ARID5B: variants seen among roughly 807,000 people sequenced by gnomAD.
ARID5B encodes AT-rich interactive domain-containing protein 5B.
Under a neutral mutation model 97.2 loss-of-function variants are expected in ARID5B, and 13 were observed. That is an observed-to-expected ratio of 0.13 (90% CI 0.09 to 0.21). The LOEUF is 0.21. ARID5B is among the 10% of genes least tolerant of loss of function. The probability of loss-of-function intolerance (pLI) is 1.00; values close to 1 mark genes in which losing one functional copy is unlikely to be tolerated. For synonymous variants in ARID5B, 556 were observed against 570.3 expected, an observed-to-expected ratio of 0.97 and a Z score of 0.36; for missense variants, 1,210 against 1,465.3, an observed-to-expected ratio of 0.83 and a Z score of 2.84.
At chr10:62,019,949 C>G (rs915967311) in intron 4 of ARID5B, among the ~76,000 whole-genome samples, 2 of 152,140 alleles carry the variant, frequency 1.3e-5, no homozygotes, top group Non-Finnish European at 2.9e-5. Flanking sequence ...TACAGATTTC[C>G]TAGGCAGTGA....
rs531468397 is a variant in ARID5B at position 62,012,286 on chromosome 10, C to T, written c.733+11965C>T. On this transcript the variant is annotated intron_variant, in intron 4 of 9. Transcript: ENST00000279873. The stretch of plus-strand genomic sequence containing the variant: ...AAGTAACCTCAGCACTTTGAGAGGC[C>T]GAAGTGGGCAGATCCCTTGATCCCA... 7.2e-4 allele frequency among the ~76,000 whole-genome samples: 110 copies of T among 152,160 alleles called. 2 individuals carry two copies. The highest frequency in any genetic ancestry group is 3.6e-3 in the Admixed American group (55 of 15,282).
Position 62,057,129 on chromosome 10 carries a change from G to C in ARID5B, c.859G>C (p.Ala287Pro). The C allele has an allele frequency of 6.2e-7, 1 of 1,613,532 alleles. No individual in the cohort carries two copies. Among genetic ancestry groups the C allele is most frequent in the Non-Finnish European group, 8.5e-7 (1 of 1,179,696 alleles). The change falls in exon 6 of 10, where the codon GCC becomes CCC. Residue 287 changes from alanine to proline, a missense_variant. Around this residue, in one of 8 missense-constraint regions of ARID5B, gnomAD observed 132 missense variants for 156.7 expected, o/e 0.84. Coordinates refer to ENST00000279873, the MANE Select transcript of ARID5B (RefSeq NM_032199.3). ...GKAVAKVKCE[A>P]RSALTKPKNN... is the part of the protein sequence containing the mutation. The stretch of plus-strand genomic sequence containing the variant: ...TTCCCTTTTCCAGGTGAAATGTGAG[G>C]CCAGGTCAGCCTTGACCAAGCCGAA...
intron 7 of ARID5B, among the ~76,000 whole-genome samples, chr10:62,060,671 G>A (rs542332716): frequency 2.1e-4 from 32 of 152,108 alleles, no homozygotes; most frequent in Non-Finnish European, 3.5e-4. Context: ...ACTTATTCAG[G>A]GTTAGTCTCA....
rs571585520 is a variant in ARID5B, at chr10:62,057,103, T to C, written c.847-14T>C. On this transcript the variant is annotated splice_polypyrimidine_tract_variant and intron_variant, in intron 5 of 9. Transcript: ENST00000279873. Reference sequence around the variant, plus strand: ...CTGTGCCTCGTCTGATGTGGTATATTTTCCCTTTTCCAGGTGAAATGTGAG... The same window carrying C: ...CTGTGCCTCGTCTGATGTGGTATATCTTCCCTTTTCCAGGTGAAATGTGAG... 6.2e-7 allele frequency: 1 copy of C among 1,613,088 alleles called. No homozygotes were observed. Among genetic ancestry groups the C allele is most frequent in the African/African-American group, 1.3e-5 (1 of 74,972 alleles).
At chr10:61,904,445 T>C (rs1320899412) in intron 2 of ARID5B, among the ~76,000 whole-genome samples, 1 of 152,216 alleles carries the variant, frequency 6.6e-6, no homozygotes, top group African/African-American at 2.4e-5. Context: ...TGAATAGATA[T>C]ATTTTTAAAT....
intron 3 of ARID5B, among the ~76,000 whole-genome samples, chr10:61,966,301 G>A (rs1450543099): frequency 2.0e-5 from 3 of 152,096 alleles, no homozygotes; most frequent in African/African-American, 7.2e-5. Flanking sequence ...GAGGCAGGGA[G>A]CACGTTTTAA....
intron 6 of ARID5B, among the ~76,000 whole-genome samples, chr10:62,058,591 A>T (rs1839885325): frequency 6.6e-6 from 1 of 152,224 alleles, no homozygotes; most frequent in South Asian, 2.1e-4. Flanking sequence ...TATTTGCAAC[A>T]TCACACAGGC....
At chr10:62,042,637 C>T (rs547729615) in intron 4 of ARID5B, among the ~76,000 whole-genome samples, 13 of 152,250 alleles carry the variant, frequency 8.5e-5, no homozygotes, top group African/African-American at 3.1e-4. Flanking sequence ...TCTGGCTGTG[C>T]GTCGTGGCTC....
intron 3 of ARID5B, among the ~76,000 whole-genome samples, chr10:61,976,070 T>C (rs974442268): frequency 3.3e-5 from 5 of 152,306 alleles, no homozygotes; most frequent in Middle Eastern, 6.8e-3. Context: ...GTGGAAGGAA[T>C]GTAGTCTTTG....
chr10:62,083,082 C>T (rs1840235449), intron 8 of ARID5B, among the ~76,000 whole-genome samples: 2 of 151,994 alleles, frequency 1.3e-5, no homozygotes, highest in Admixed American at 6.6e-5. Flanking sequence ...CACACTCACA[C>T]ACTCTCATAT....
intron 3 of ARID5B, among the ~76,000 whole-genome samples, chr10:61,966,368 C>G (rs1165732994): frequency 6.6e-6 from 1 of 152,172 alleles, no homozygotes; most frequent in Non-Finnish European, 1.5e-5. Context: ...ATCTTTCTCC[C>G]TGTGTTTCCA....
At chr10:61,902,673 A>ATGTGTGTGTGTGTGTG (rs59459790) in intron 2 of ARID5B, among the ~76,000 whole-genome samples, 3 of 148,338 alleles carry the variant, frequency 2.0e-5, no homozygotes, top group Non-Finnish European at 3.0e-5. Flanking sequence ...TTGTTCAAGG[A>ATGTGTGTGTGTGTGTG]TGTGTGTGTG....
intron 3 of ARID5B, among the ~76,000 whole-genome samples, chr10:61,978,459 C>A (rs1314550658): frequency 6.6e-6 from 1 of 152,142 alleles, no homozygotes; most frequent in Non-Finnish European, 1.5e-5. Flanking sequence ...GCAGTATGGC[C>A]ATTTTCACGA....
intron 3 of ARID5B, among the ~76,000 whole-genome samples, chr10:61,984,720 C>T (rs1838823441): frequency 1.3e-5 from 2 of 152,216 alleles, no homozygotes; most frequent in Admixed American, 1.3e-4. Flanking sequence ...TAATAGAAAA[C>T]CCATAGCATT....
In ARID5B at chr10:61,974,208, T is replaced by C. The variant is rs368183473; in HGVS notation, c.503-25883T>C. Among the ~76,000 whole-genome samples, 4 of 152,248 alleles carry C rather than the reference T, an allele frequency of 2.6e-5. No homozygotes were observed. In the East Asian group the frequency reaches 7.7e-4, roughly 29 times the overall value. ...TATTTCCGCAAGACAATGAGCATTC[T>C]ACATTATTTGTACAAATAACGCAAA... On this transcript the variant is annotated intron_variant, in intron 3 of 9. Coordinates refer to ENST00000279873, the MANE Select transcript of ARID5B (RefSeq NM_032199.3).
intron 4 of ARID5B, among the ~76,000 whole-genome samples, chr10:62,043,510 C>T (rs1207205154): frequency 6.6e-6 from 1 of 152,234 alleles, no homozygotes; most frequent in African/African-American, 2.4e-5. Flanking sequence ...ATCTGCCTAT[C>T]ACTGCTGGTA....
chr10:62,031,468 G>T (rs1055686629), intron 4 of ARID5B, among the ~76,000 whole-genome samples: 10 of 152,166 alleles, frequency 6.6e-5, no homozygotes, highest in African/African-American at 9.6e-5. Flanking sequence ...CACCTTCTTT[G>T]GTAACTCTCT....
intron 3 of ARID5B, among the ~76,000 whole-genome samples, chr10:61,997,961 C>G (rs1564623622): frequency 1.3e-5 from 2 of 152,168 alleles, no homozygotes; most frequent in Non-Finnish European, 2.9e-5. Context: ...CATATATCAG[C>G]ATCTCAAAAC....
chr10:62,086,709 A>AAAAAAAAAAAAAAAC (rs778821864), intron 9 of ARID5B, among the ~76,000 whole-genome samples: 3 of 113,976 alleles, frequency 2.6e-5, no homozygotes, highest in African/African-American at 3.2e-5. Context: ...AAAAAAAAAA[A>AAAAAAAAAAAAAAAC]AAATATCAGG....
Sources: gnomAD v4.1 joint callset for allele counts (sites outside exome capture counted in the v4.1 genomes callset) on GRCh38, gnomAD v4.1.1 for gene constraint, gnomAD v4.1.1 regional missense constraint, MANE v1.5 for transcripts, NCBI Gene and HGNC (gene_info 2026-07-23, HGNC 2026-07-21) for gene names.